Variants in NSRP1 observed in about 807,000 individuals in gnomAD.
The protein encoded by NSRP1 is coiled-coil domain containing 55.
NSRP1 carries 24 observed loss-of-function variants against 54.7 expected under a neutral mutation model. That is an observed-to-expected ratio of 0.44 (90% CI 0.32 to 0.62). The LOEUF is 0.62. NSRP1 is among the 20% of genes least tolerant of loss of function. The pLI is 0.06. For synonymous variants in NSRP1, 210 were observed against 213.8 expected, an observed-to-expected ratio of 0.98 and a Z score of 0.15; for missense variants, 596 against 651.2, an observed-to-expected ratio of 0.92 and a Z score of 0.92.
intron 2 of NSRP1, chr17:30,144,709 G>T (rs2071837572): frequency 6.6e-6 from 1 of 152,116 alleles, no homozygotes; most frequent in African/African-American, 2.4e-5. Context: ...TTTTACAAAG[G>T]AAAGAACTGT....
chr17:30,181,144 C>T, intron 6 of NSRP1, 128 bp downstream of exon 6: 1 of 649,796 alleles, frequency 1.5e-6, no homozygotes, highest in African/African-American at 1.9e-5. Flanking sequence ...CCAGCCTTAC[C>T]TAACTGAATG....
At chr17:30,124,109 T>TAA (rs35798766) in intron 2 of NSRP1, among the ~76,000 whole-genome samples, 1 of 138,890 alleles carries the variant, frequency 7.2e-6, no homozygotes, top group African/African-American at 2.6e-5. Context: ...CCCGTCTCTA[T>TAA]AAAAAAAAAA....
intron 3 of NSRP1, among the ~76,000 whole-genome samples, chr17:30,173,940 C>T (rs1905041220): frequency 6.6e-6 from 1 of 152,122 alleles, no homozygotes; most frequent in South Asian, 2.1e-4. Flanking sequence ...ATGTGTAACT[C>T]AGCAGCCTCA....
At chr17:30,117,294 C>G (rs1397139714) in intron 1 of NSRP1, 2 of 580,898 alleles carry the variant, frequency 3.4e-6, no homozygotes, top group Non-Finnish European at 6.1e-6. Flanking sequence ...CCTTCCTTCT[C>G]GTTTTAGGAA....
intron 2 of NSRP1, among the ~76,000 whole-genome samples, chr17:30,154,052 A>G (rs1352253264): frequency 1.3e-5 from 2 of 150,272 alleles, no homozygotes; most frequent in Non-Finnish European, 3.0e-5. Context: ...TGGCTATCAC[A>G]TGTGCTGTAA....
rs1486252377 is a variant in NSRP1, at chr17:30,184,679, C to T, written c.682C>T (p.Pro228Ser). ...SNEVSSKNRI[P>S]QEKCILQTDV... ...TGAAGTAAGTTCAAAAAACAGAATACCACAAGAGAAATGCATTCTTCAAAC... is the reference window on the plus strand; with the variant it reads ...TGAAGTAAGTTCAAAAAACAGAATATCACAAGAGAAATGCATTCTTCAAAC... The change falls in exon 7 of 7, where the codon CCA becomes TCA. Residue 228 changes from proline (P) to serine (S), a missense_variant. Transcript: ENST00000247026. 6.2e-7 allele frequency: 1 copy of T among 1,610,310 alleles called. No homozygotes were observed.
At position 30,185,918 on chromosome 17, in the gene NSRP1, AGT is replaced by A; in HGVS notation, c.*248_*249del. The A allele has an allele frequency of 3.2e-6, 1 of 308,968 alleles. No individual in the cohort carries two copies. Among genetic ancestry groups the A allele is most frequent in the East Asian group, 5.4e-5 (1 of 18,488 alleles). 19.1% of individuals were successfully genotyped at this position (308,968 alleles called of 1,614,324 possible). ...TTTGTTGTATTCAAGAACCGTTAAG[AGT>A]GTGCTAATTCCCTGTAGGTACATAA... is the stretch of plus-strand genomic sequence containing the variant. On this transcript the variant is annotated 3_prime_UTR_variant, in exon 7 of 7. Coordinates refer to ENST00000247026, the MANE Select transcript of NSRP1 (RefSeq NM_032141.4).
At chr17:30,117,269 A>C in intron 1 of NSRP1, 1 of 594,142 alleles carries the variant, frequency 1.7e-6, no homozygotes, top group South Asian at 2.1e-5. Flanking sequence ...CAGAAGCTCA[A>C]GTCCTGATTC....
intron 2 of NSRP1, among the ~76,000 whole-genome samples, chr17:30,123,224 C>T (rs1295485302): frequency 6.6e-6 from 1 of 152,166 alleles, no homozygotes; most frequent in Non-Finnish European, 1.5e-5. Flanking sequence ...TTCAGCCTCC[C>T]GAGTAGCTAG....
chr17:30,155,051 G>A (rs1017720594), intron 2 of NSRP1, among the ~76,000 whole-genome samples: 3 of 151,996 alleles, frequency 2.0e-5, no homozygotes, highest in African/African-American at 7.2e-5. Flanking sequence ...CTTTCCATCA[G>A]CACTTTAAAG....
At chr17:30,133,351 T>G (rs1198718636) in intron 2 of NSRP1, among the ~76,000 whole-genome samples, 2 of 152,150 alleles carry the variant, frequency 1.3e-5, no homozygotes, top group Non-Finnish European at 2.9e-5. Context: ...AAAACAACAT[T>G]CATCTCCTTG....
chr17:30,130,850 A>G (rs1476576280), intron 2 of NSRP1, among the ~76,000 whole-genome samples: 1 of 152,086 alleles, frequency 6.6e-6, no homozygotes, highest in Admixed American at 6.6e-5. Context: ...GTGCTGGGTT[A>G]TCATTTTGGA....
chr17:30,149,747 A>G (rs928074046), intron 2 of NSRP1, among the ~76,000 whole-genome samples: 3 of 151,486 alleles, frequency 2.0e-5, no homozygotes, highest in African/African-American at 7.3e-5. Context: ...AGGCAGGAGC[A>G]TCACTTGAGC....
intron 2 of NSRP1, among the ~76,000 whole-genome samples, chr17:30,145,302 G>T (rs929187905): frequency 2.3e-5 from 3 of 130,008 alleles, no homozygotes; most frequent in African/African-American, 8.7e-5. Flanking sequence ...TTGCACTAAG[G>T]CCGGGCGCAG....
At chr17:30,132,971 G>A (rs1010598629) in intron 2 of NSRP1, among the ~76,000 whole-genome samples, 2 of 152,122 alleles carry the variant, frequency 1.3e-5, no homozygotes, top group South Asian at 2.1e-4. Context: ...ACAAGGTCTC[G>A]CTTTGTCACT....
chr17:30,147,987 A>C (rs1190752387), intron 2 of NSRP1, among the ~76,000 whole-genome samples: 1 of 150,998 alleles, frequency 6.6e-6, no homozygotes, highest in Non-Finnish European at 1.5e-5. Context: ...AATTTTTTGT[A>C]TTTTTGGTAG....
At position 30,119,307 on chromosome 17, in the gene NSRP1, A is replaced by G. The variant is rs1248421401; in HGVS notation, c.114+1134A>G. Among the ~76,000 whole-genome samples, 3 of 150,220 alleles carry G rather than the reference A, an allele frequency of 2.0e-5. No homozygotes were observed. The South Asian group carries it at 6.3e-4, about 32-fold the overall frequency. On this transcript the variant is annotated intron_variant, in intron 2 of 6. Coordinates refer to ENST00000247026, the MANE Select transcript of NSRP1 (RefSeq NM_032141.4). ...TTTTAGTATTTTTAATATTTTTTGTATTTAGTAGATTTTCCTGCCTCAGCC... is the reference window on the plus strand; with the variant it reads ...TTTTAGTATTTTTAATATTTTTTGTGTTTAGTAGATTTTCCTGCCTCAGCC...
intron 2 of NSRP1, chr17:30,122,489 C>G (rs1242190967): frequency 7.2e-6 from 1 of 139,684 alleles, no homozygotes; most frequent in Non-Finnish European, 1.5e-5. Flanking sequence ...ATTGCAATCT[C>G]TGCCTCCCTG....
chr17:30,184,733 G>A lies in NSRP1; in HGVS notation c.736G>A (p.Ala246Thr), dbSNP rs2143011358. 6.2e-7 allele frequency: 1 copy of A among 1,614,116 alleles called. No homozygotes were observed. The highest frequency in any genetic ancestry group is 1.3e-5 in the African/African-American group (1 of 75,052). ...TGTGAAAGTAGAGGAAAACCCAGAT[G>A]CAGACAGTGACTTCGATGCTAAGAG... Reference protein sequence around the residue: ...TDVKVEENPDADSDFDAKSSA... With the variant: ...TDVKVEENPDTDSDFDAKSSA... The change falls in exon 7 of 7, where the codon GCA (alanine) becomes ACA (threonine). Residue 246 changes from alanine to threonine, a missense_variant. Coordinates refer to ENST00000247026, the MANE Select transcript of NSRP1 (RefSeq NM_032141.4).
Sources: gnomAD v4.1 joint callset for allele counts (sites outside exome capture counted in the v4.1 genomes callset) on GRCh38, gnomAD v4.1.1 for gene constraint, MANE v1.5 for transcripts, NCBI Gene and HGNC (gene_info 2026-07-23, HGNC 2026-07-21) for gene names.